SULF1: variants seen among roughly 807,000 people sequenced by gnomAD.
SULF1 encodes the protein sulfatase 1, also known as extracellular sulfatase Sulf-1.
SULF1 carries 46 observed loss-of-function variants against 110.5 expected under a neutral mutation model. That is an observed-to-expected ratio of 0.42 (90% CI 0.33 to 0.53). The LOEUF is 0.53. Ranked by LOEUF, SULF1 falls within the 20% of genes least tolerant of loss-of-function variation. SULF1 has a pLI of 0.12. For missense variants in SULF1, 941 were observed against 1,094.2 expected (o/e 0.86, Z 1.98); for synonymous variants, 371 against 387.1 (o/e 0.96, Z 0.49).
At chr8:69,486,747 T>A (rs1454544922) in intron 1 of SULF1, among the ~76,000 whole-genome samples, 1 of 152,118 alleles carries the variant, frequency 6.6e-6, no homozygotes, top group Non-Finnish European at 1.5e-5. Context: ...CTCAGACTTG[T>A]CCCTTGGACC....
At chr8:69,583,800 A>T (rs1216755013) in intron 6 of SULF1, among the ~76,000 whole-genome samples, 2 of 152,208 alleles carry the variant, frequency 1.3e-5, no homozygotes, top group Non-Finnish European at 2.9e-5. Context: ...TATGAACATG[A>T]CTATACCACA....
chr8:69,514,755 T>A (rs1811807525), intron 3 of SULF1, among the ~76,000 whole-genome samples: 2 of 152,142 alleles, frequency 1.3e-5, no homozygotes, highest in Admixed American at 6.5e-5. Flanking sequence ...AGGTATTGGG[T>A]AAATGCTCAT....
At chr8:69,590,842 C>T (rs1806843532) in intron 8 of SULF1, among the ~76,000 whole-genome samples, 1 of 152,200 alleles carries the variant, frequency 6.6e-6, no homozygotes, top group African/African-American at 2.4e-5. Flanking sequence ...CCATGTGTGA[C>T]AAGTGGCTCT....
At chr8:69,580,717 C>T (rs1344831712) in intron 6 of SULF1, among the ~76,000 whole-genome samples, 1 of 152,156 alleles carries the variant, frequency 6.6e-6, no homozygotes, top group African/African-American at 2.4e-5. Flanking sequence ...AATTCTACCT[C>T]ACATCACTGA....
chr8:69,520,174 A>G (rs1812202329), intron 3 of SULF1, among the ~76,000 whole-genome samples: 1 of 151,580 alleles, frequency 6.6e-6, no homozygotes, highest in Admixed American at 6.6e-5. Flanking sequence ...TGTCTATTTC[A>G]TAGGTCAACA....
At chr8:69,651,252 C>T (rs1036586872) in intron 22 of SULF1, among the ~76,000 whole-genome samples, 2 of 152,002 alleles carry the variant, frequency 1.3e-5, no homozygotes, top group African/African-American at 4.8e-5. Context: ...AGGGTTTCAC[C>T]ATGTTGGCCA....
intron 1 of SULF1, among the ~76,000 whole-genome samples, chr8:69,476,688 C>T (rs1809309878): frequency 6.6e-6 from 1 of 152,182 alleles, no homozygotes; most frequent in Non-Finnish European, 1.5e-5. Context: ...TTCCCTAGTT[C>T]CCCTGGAAGA....
intron 15 of SULF1, among the ~76,000 whole-genome samples, chr8:69,626,725 C>T (rs976841445): frequency 7.2e-5 from 11 of 152,256 alleles, no homozygotes; most frequent in Middle Eastern, 3.2e-3. Context: ...TGCTAAGCCC[C>T]TCACTGCCCG....
At chr8:69,657,771 A>C (rs893465123) in intron 22 of SULF1, among the ~76,000 whole-genome samples, 7 of 152,202 alleles carry the variant, frequency 4.6e-5, no homozygotes, top group Admixed American at 3.9e-4. Flanking sequence ...TCCAAATGGT[A>C]CTTAGGCACA....
intron 22 of SULF1, among the ~76,000 whole-genome samples, chr8:69,652,135 C>T (rs759341094): frequency 6.6e-6 from 1 of 152,090 alleles, no homozygotes; most frequent in African/African-American, 2.4e-5. Flanking sequence ...GGTCACATCT[C>T]GTTCTCTACC....
intron 13 of SULF1, among the ~76,000 whole-genome samples, chr8:69,607,019 T>A (rs1170913820): frequency 6.6e-6 from 1 of 152,226 alleles, no homozygotes; most frequent in Non-Finnish European, 1.5e-5. Flanking sequence ...TCAGATTGTC[T>A]CTAGCTTCAG....
chr8:69,525,512 G>A (rs1812597689), intron 3 of SULF1, among the ~76,000 whole-genome samples: 1 of 152,166 alleles, frequency 6.6e-6, no homozygotes, highest in African/African-American at 2.4e-5. Flanking sequence ...AGGAAGTTGA[G>A]TGGGGAGAAA....
intron 1 of SULF1, among the ~76,000 whole-genome samples, chr8:69,479,939 T>A (rs1809446876): frequency 6.6e-6 from 1 of 152,184 alleles, no homozygotes; most frequent in Non-Finnish European, 1.5e-5. Context: ...ATGGACTTTC[T>A]TGCTGAGGGC....
chr8:69,574,688 A>G (rs898120120), intron 5 of SULF1, among the ~76,000 whole-genome samples: 3 of 152,178 alleles, frequency 2.0e-5, no homozygotes, highest in Non-Finnish European at 4.4e-5. Flanking sequence ...GGTTGATAGA[A>G]TGTTTTGCAT....
At chr8:69,472,807 C>T (rs1809140383) in intron 1 of SULF1, among the ~76,000 whole-genome samples, 1 of 152,170 alleles carries the variant, frequency 6.6e-6, no homozygotes, top group South Asian at 2.1e-4. Context: ...TGTACTCCTG[C>T]ACAGTAGTGT....
intron 3 of SULF1, among the ~76,000 whole-genome samples, chr8:69,526,395 T>C (rs1394009921): frequency 6.6e-6 from 1 of 152,148 alleles, no homozygotes; most frequent in Admixed American, 6.5e-5. Context: ...TCTGTTCAAA[T>C]GACTGACTTT....
chr8:69,625,688 G>A (rs1809951291), intron 15 of SULF1, among the ~76,000 whole-genome samples: 1 of 152,222 alleles, frequency 6.6e-6, no homozygotes, highest in South Asian at 2.1e-4. Flanking sequence ...TTCGCGGTGA[G>A]TGTTACAGCT....
intron 3 of SULF1, among the ~76,000 whole-genome samples, chr8:69,552,168 T>C (rs925719910): frequency 2.8e-4 from 43 of 152,200 alleles, no homozygotes; most frequent in African/African-American, 9.6e-4. Flanking sequence ...TCTAGATGAT[T>C]CTGATGAACC....
At chr8:69,616,228 A>ATTTT (rs1432141232) in intron 13 of SULF1, among the ~76,000 whole-genome samples, 3 of 140,034 alleles carry the variant, frequency 2.1e-5, no homozygotes, top group African/African-American at 8.2e-5. Flanking sequence ...ATATATATAT[A>ATTTT]TATTTTTTTG....
Sources: gnomAD v4.1 joint callset for allele counts (sites outside exome capture counted in the v4.1 genomes callset) on GRCh38, gnomAD v4.1.1 for gene constraint, MANE v1.5 for transcripts, NCBI Gene and HGNC (gene_info 2026-07-23, HGNC 2026-07-21) for gene names.